The following RORA variants were observed in gnomAD, a reference collection of about 807,000 sequenced individuals.
RORA encodes the protein RAR related orphan receptor A, also known as nuclear receptor ROR-alpha.
In RORA, 7 loss-of-function variants were observed where a neutral mutation model predicts 69.5. The ratio of observed to expected loss-of-function variants is 0.10; its 90% CI spans 0.06 to 0.19. The LOEUF is 0.19. Ranked by LOEUF, RORA falls within the 10% of genes least tolerant of loss-of-function variation. The pLI is 1.00. For synonymous variants in RORA, 261 were observed against 240.8 expected (o/e 1.08, Z -0.78); for missense variants, 457 against 663.0 (o/e 0.69, Z 3.41).
chr15:60,765,882 G>A (rs1268438130), intron 1 of RORA, among the ~76,000 whole-genome samples: 1 of 151,172 alleles, frequency 6.6e-6, no homozygotes, highest in Non-Finnish European at 1.5e-5. Flanking sequence ...CCCCAATATC[G>A]GTACTTTACT....
At chr15:60,870,863 G>A (rs2140435552) in intron 1 of RORA, among the ~76,000 whole-genome samples, 1 of 152,332 alleles carries the variant, frequency 6.6e-6, no homozygotes, top group South Asian at 2.1e-4. Flanking sequence ...TACAAGACAA[G>A]TCCTAATCCT....
At chr15:60,513,142 G>A (rs1166863958) in intron 4 of RORA, among the ~76,000 whole-genome samples, 2 of 152,246 alleles carry the variant, frequency 1.3e-5, no homozygotes, top group Non-Finnish European at 2.9e-5. Context: ...CTTGTTCACA[G>A]AGGAAACAGG....
chr15:60,592,907 C>A (rs552738895), intron 2 of RORA: 69 of 455,902 alleles, frequency 1.5e-4, no homozygotes, highest in African/African-American at 1.3e-3. Flanking sequence ...CGCAACCCGA[C>A]GCCACTCTCC....
chr15:60,643,287 G>A (rs1396517984), intron 2 of RORA, among the ~76,000 whole-genome samples: 1 of 152,144 alleles, frequency 6.6e-6, no homozygotes, highest in Non-Finnish European at 1.5e-5. Flanking sequence ...TGTCATGTGT[G>A]GAATATGATA....
intron 1 of RORA, among the ~76,000 whole-genome samples, chr15:60,809,789 G>GTTT (rs34269284): frequency 6.7e-6 from 1 of 150,160 alleles, no homozygotes. Flanking sequence ...ATAATATTAT[G>GTTT]TTTTTTTTTT....
chr15:61,078,418 C>T (rs921636001), intron 1 of RORA, among the ~76,000 whole-genome samples: 10 of 151,350 alleles, frequency 6.6e-5, no homozygotes, highest in African/African-American at 1.9e-4. Flanking sequence ...AGGCTGGTCT[C>T]GAACTTCTGA....
intron 1 of RORA, among the ~76,000 whole-genome samples, chr15:60,690,910 A>G (rs1366253496): frequency 6.6e-6 from 1 of 152,328 alleles, no homozygotes; most frequent in East Asian, 1.9e-4. Context: ...CATGTAAGCC[A>G]GAGTGACTTT....
At chr15:61,079,936 T>C (rs145454019) in intron 1 of RORA, among the ~76,000 whole-genome samples, 36 of 152,300 alleles carry the variant, frequency 2.4e-4, no homozygotes, top group Admixed American at 2.6e-4. Context: ...TTTCTGTCTT[T>C]GTAATGGAGA....
chr15:61,227,208 T>C (rs1262078590), intron 1 of RORA, among the ~76,000 whole-genome samples: 3 of 58,004 alleles, frequency 5.2e-5, no homozygotes, highest in South Asian at 8.8e-4. Flanking sequence ...TCCCCCCCAT[T>C]CCAAAAAAAA....
intron 2 of RORA, among the ~76,000 whole-genome samples, chr15:60,644,962 C>G (rs1197120141): frequency 6.6e-6 from 1 of 152,132 alleles, no homozygotes; most frequent in Non-Finnish European, 1.5e-5. Context: ...AAAGGCAATC[C>G]TCCTCAAAGT....
chr15:60,893,387 G>A (rs1362399411), intron 1 of RORA, among the ~76,000 whole-genome samples: 2 of 152,198 alleles, frequency 1.3e-5, no homozygotes, highest in Non-Finnish European at 2.9e-5. Flanking sequence ...AGGGAAGAGG[G>A]TATTAAACAT....
In RORA at chr15:60,515,965, A is replaced by T. The variant is rs372985940; in HGVS notation, c.283-1208T>A. On this transcript the variant is annotated intron_variant, in intron 3 of 10. Transcript: ENST00000335670. The stretch of plus-strand genomic sequence containing the variant: ...TATATATATTTATATATTTATATTT[A>T]TATATATTTATATATTTATATATAT... Among the ~76,000 whole-genome samples the T allele has an allele frequency of 1.6e-3, 36 of 23,024 alleles. 4 individuals are homozygous for T. Among genetic ancestry groups the T allele is most frequent in the East Asian group, 3.4e-3 (3 of 894 alleles). The allele number at this position is 23,024 out of a possible 152,430, so 15.1% of individuals were successfully genotyped here.
intron 2 of RORA, among the ~76,000 whole-genome samples, chr15:60,611,554 T>C (rs1351741010): frequency 1.4e-4 from 2 of 14,556 alleles, no homozygotes; most frequent in Non-Finnish European, 2.9e-4. Context: ...CAATCTTGAG[T>C]TTTGCAAAAA....
intron 1 of RORA, among the ~76,000 whole-genome samples, chr15:60,976,601 G>C (rs1893878996): frequency 6.6e-6 from 1 of 152,120 alleles, no homozygotes. Context: ...ATAATGAAGA[G>C]ACAAATGTTA....
chr15:61,215,933 A>G (rs77344375), intron 1 of RORA, among the ~76,000 whole-genome samples: 1,752 of 152,334 alleles, frequency 0.012, 15 homozygotes, highest in Middle Eastern at 0.054. Context: ...TTTCATTACT[A>G]CCGCATATTA....
At chr15:60,612,177 G>A (rs1430995667) in intron 2 of RORA, among the ~76,000 whole-genome samples, 2 of 152,214 alleles carry the variant, frequency 1.3e-5, no homozygotes, top group African/African-American at 2.4e-5. Flanking sequence ...TACAACAGAT[G>A]TCAACCTAGG....
At chr15:61,026,538 T>C (rs943644765) in intron 1 of RORA, among the ~76,000 whole-genome samples, 3 of 152,112 alleles carry the variant, frequency 2.0e-5, no homozygotes, top group African/African-American at 7.2e-5. Context: ...CCTGCAATCT[T>C]TGACACTATT....
intron 1 of RORA, among the ~76,000 whole-genome samples, chr15:60,995,912 T>G (rs927993347): frequency 6.6e-6 from 1 of 152,184 alleles, no homozygotes; most frequent in African/African-American, 2.4e-5. Context: ...TTCTTGCAGG[T>G]AGCTGTGAAA....
chr15:61,180,215 T>TATGACTTAA (rs1453962084), intron 1 of RORA, among the ~76,000 whole-genome samples: 1 of 148,858 alleles, frequency 6.7e-6, no homozygotes, highest in Non-Finnish European at 1.5e-5. Context: ...ACCAGTTAAG[T>TATGACTTAA]ATGACTTAAA....
Sources: allele counts gnomAD v4.1 joint callset (sites outside exome capture counted in the v4.1 genomes callset), GRCh38; gene constraint gnomAD v4.1.1; transcripts MANE v1.5; gene names NCBI Gene and HGNC (gene_info 2026-07-23, HGNC 2026-07-21).